ARID1A: variants seen among roughly 807,000 people sequenced by gnomAD.
ARID1A encodes the protein AT-rich interactive domain-containing protein 1A.
ARID1A carries 20 observed loss-of-function variants against 212.6 expected under a neutral mutation model. That is an observed-to-expected ratio of 0.09 (90% CI 0.07 to 0.14). The LOEUF is 0.14. Ranked by LOEUF, ARID1A falls within the 10% of genes least tolerant of loss-of-function variation. The pLI, the probability that ARID1A is intolerant of heterozygous loss-of-function variation, is 1.00. For synonymous variants in ARID1A, 1,376 were observed against 1,222.1 expected (o/e 1.13, Z -2.63); for missense variants, 2,587 against 3,059.0 (o/e 0.85, Z 3.64).
At chr1:26,723,376 G>A (rs182414307) in intron 1 of ARID1A, among the ~76,000 whole-genome samples, 6 of 152,170 alleles carry the variant, frequency 3.9e-5, no homozygotes, top group African/African-American at 9.7e-5. Context: ...AACAGCTGTC[G>A]CCTGTCCCTG....
chr1:26,746,823 G>T (rs757047960), intron 4 of ARID1A, among the ~76,000 whole-genome samples: 11 of 152,202 alleles, frequency 7.2e-5, no homozygotes, highest in Non-Finnish European at 1.5e-4. Flanking sequence ...AATCACCTGA[G>T]GTCAGGAGTT....
intron 1 of ARID1A, among the ~76,000 whole-genome samples, chr1:26,701,425 G>A (rs57217461): frequency 3.2e-4 from 48 of 152,118 alleles, no homozygotes; most frequent in East Asian, 1.3e-3. Flanking sequence ...GCACACTTAC[G>A]TTGTTATTAC....
At chr1:26,706,390 A>G (rs1269337062) in intron 1 of ARID1A, among the ~76,000 whole-genome samples, 1 of 152,100 alleles carries the variant, frequency 6.6e-6, no homozygotes, top group Non-Finnish European at 1.5e-5. Context: ...TCCCCTTAAG[A>G]TCTAGCACCA....
intron 1 of ARID1A, among the ~76,000 whole-genome samples, chr1:26,720,861 A>G (rs1244880216): frequency 6.8e-6 from 1 of 147,858 alleles, no homozygotes; most frequent in African/African-American, 2.5e-5. Flanking sequence ...AGATTGAGAC[A>G]CCCTGTCTCA....
chr1:26,704,130 G>T (rs1013279291), intron 1 of ARID1A, among the ~76,000 whole-genome samples: 2 of 152,182 alleles, frequency 1.3e-5, no homozygotes, highest in African/African-American at 2.4e-5. Flanking sequence ...AGCTGTCTCA[G>T]TGTTCCAATG....
chr1:26,766,688 GA>G, intron 10 of ARID1A, 122 bp downstream of exon 10: 1 of 1,038,832 alleles, frequency 9.6e-7, no homozygotes. Flanking sequence ...GATAGTCTCT[GA>G]AAAAGCTGCT....
intron 19 of ARID1A, 153 bp downstream of exon 19, chr1:26,775,860 G>C: frequency 8.9e-7 from 1 of 1,127,536 alleles, no homozygotes; most frequent in African/African-American, 1.5e-5. Flanking sequence ...CTCTGGGCAC[G>C]GGCCCAGGAT....
chr1:26,697,812 G>C (rs1472598578), intron 1 of ARID1A, among the ~76,000 whole-genome samples: 1 of 151,146 alleles, frequency 6.6e-6, no homozygotes, highest in Non-Finnish European at 1.5e-5. Flanking sequence ...CTTGATGGGG[G>C]TGCGGGGCAG....
At chr1:26,715,835 C>T (rs761306474) in intron 1 of ARID1A, among the ~76,000 whole-genome samples, 2 of 150,988 alleles carry the variant, frequency 1.3e-5, no homozygotes, top group African/African-American at 2.4e-5. Context: ...TAGGGAGACC[C>T]GTCTTAAAAA....
intron 1 of ARID1A, among the ~76,000 whole-genome samples, chr1:26,718,132 G>A (rs574085323): frequency 1.3e-4 from 20 of 152,038 alleles, no homozygotes; most frequent in Non-Finnish European, 2.2e-4. Flanking sequence ...GCACCACCAC[G>A]CCCAGCTAAT....
chr1:26,734,116 G>A (rs1325978910), intron 4 of ARID1A, among the ~76,000 whole-genome samples: 2 of 152,176 alleles, frequency 1.3e-5, no homozygotes, highest in Non-Finnish European at 2.9e-5. Context: ...AGTGTCTGTT[G>A]CAATCCTTTT....
At chr1:26,735,225 A>T (rs907024025) in intron 4 of ARID1A, among the ~76,000 whole-genome samples, 7 of 151,148 alleles carry the variant, frequency 4.6e-5, no homozygotes, top group Non-Finnish European at 8.8e-5. Context: ...TCCTGGGTTC[A>T]AGTGATTCTT....
chr1:26,754,152 C>A (rs1248782420), intron 4 of ARID1A, among the ~76,000 whole-genome samples: 2 of 152,290 alleles, frequency 1.3e-5, no homozygotes, highest in East Asian at 1.9e-4. Context: ...GAAAACTGAA[C>A]TGTTAGGAAC....
intron 4 of ARID1A, among the ~76,000 whole-genome samples, chr1:26,756,716 T>A (rs1356720777): frequency 6.6e-6 from 1 of 152,000 alleles, no homozygotes; most frequent in Non-Finnish European, 1.5e-5. Context: ...TTTTTTTTCT[T>A]TTTTGAGACG....
At chr1:26,718,789 A>T (rs2080529735) in intron 1 of ARID1A, among the ~76,000 whole-genome samples, 1 of 152,218 alleles carries the variant, frequency 6.6e-6, no homozygotes, top group African/African-American at 2.4e-5. Context: ...AGGCTGGCTG[A>T]ATCTGTGGAT....
At chr1:26,711,850 A>T (rs975871074) in intron 1 of ARID1A, among the ~76,000 whole-genome samples, 5 of 152,122 alleles carry the variant, frequency 3.3e-5, no homozygotes, top group African/African-American at 1.2e-4. Context: ...TGGGATGCTG[A>T]GCTGGGCGGA....
At chr1:26,743,256 CTCTT>C (rs1009248037) in intron 4 of ARID1A, among the ~76,000 whole-genome samples, 2 of 152,198 alleles carry the variant, frequency 1.3e-5, no homozygotes, top group Non-Finnish European at 2.9e-5. Flanking sequence ...CTGTTTCTCT[CTCTT>C]TCTGTCATGC....
chr1:26,705,844 A>G (rs1393945887), intron 1 of ARID1A, among the ~76,000 whole-genome samples: 2 of 152,194 alleles, frequency 1.3e-5, no homozygotes, highest in South Asian at 2.1e-4. Context: ...TTATCTTGGG[A>G]CAGGTTGAGT....
At chr1:26,735,989 T>A (rs1257739783) in intron 4 of ARID1A, among the ~76,000 whole-genome samples, 1 of 152,154 alleles carries the variant, frequency 6.6e-6, no homozygotes, top group Non-Finnish European at 1.5e-5. Context: ...CTTAAATAAC[T>A]TCTATGATGA....
Sources: gnomAD v4.1 joint callset for allele counts (sites outside exome capture counted in the v4.1 genomes callset) on GRCh38, gnomAD v4.1.1 for gene constraint, MANE v1.5 for transcripts, NCBI Gene and HGNC (gene_info 2026-07-23, HGNC 2026-07-21) for gene names.